RBM27: variants seen among roughly 807,000 people sequenced by gnomAD.
RBM27 encodes RNA binding motif protein 27.
In RBM27, 22 loss-of-function variants were observed where a neutral mutation model predicts 135.3. The observed-to-expected ratio is 0.16, with a 90% CI of 0.12 to 0.23. The LOEUF (loss-of-function observed/expected upper bound fraction) is 0.23. Among genes scored for constraint, RBM27 ranks in the 10% least tolerant of loss-of-function variants. The pLI is 1.00. For synonymous variants in RBM27, 481 were observed against 442.4 expected, an observed-to-expected ratio of 1.09 and a Z score of -1.10; for missense variants, 1,009 against 1,281.0, an observed-to-expected ratio of 0.79 and a Z score of 3.24.
chr5:146,205,602 A>G (rs1422587278), intron 1 of RBM27, among the ~76,000 whole-genome samples: 4 of 152,248 alleles, frequency 2.6e-5, no homozygotes, highest in East Asian at 3.9e-4. Context: ...TTTAACTCCT[A>G]CAATAAAGTT....
intron 8 of RBM27, among the ~76,000 whole-genome samples, chr5:146,238,692 T>A (rs1217270025): frequency 6.6e-6 from 1 of 151,986 alleles, no homozygotes; most frequent in Admixed American, 6.6e-5. Flanking sequence ...CTGGTAACTT[T>A]ATGGATATGT....
At chr5:146,206,716 G>T (rs1755692375) in intron 1 of RBM27, among the ~76,000 whole-genome samples, 1 of 152,040 alleles carries the variant, frequency 6.6e-6, no homozygotes, top group African/African-American at 2.4e-5. Context: ...GAGTAGCTGG[G>T]ATTACAGGCA....
At chr5:146,261,362 TA>T in intron 12 of RBM27, 147 bp from the exon 13 acceptor site, 1 of 708,352 alleles carries the variant, frequency 1.4e-6, no homozygotes. Context: ...AATTACATCC[TA>T]AAAGCTCTAT....
At chr5:146,266,007 C>G (rs1331339008) in intron 14 of RBM27, among the ~76,000 whole-genome samples, 1 of 152,148 alleles carries the variant, frequency 6.6e-6, no homozygotes, top group Non-Finnish European at 1.5e-5. Context: ...AAATAATGAC[C>G]AGCCCAGTCA....
At chr5:146,229,664 T>G in intron 4 of RBM27, 53 bp from the exon 5 acceptor site, 2 of 1,441,210 alleles carry the variant, frequency 1.4e-6, no homozygotes, top group Non-Finnish European at 1.9e-6. Flanking sequence ...TAGATTTGTT[T>G]GCAGACTTGG....
intron 1 of RBM27, among the ~76,000 whole-genome samples, chr5:146,211,724 G>T (rs1042462071): frequency 6.6e-6 from 1 of 151,526 alleles, no homozygotes; most frequent in Non-Finnish European, 1.5e-5. Flanking sequence ...CAGGTAATCC[G>T]CCCCTGGGAT....
intron 18 of RBM27, 89 bp downstream of exon 18, chr5:146,271,147 T>C: frequency 1.1e-6 from 1 of 928,060 alleles, no homozygotes; most frequent in Non-Finnish European, 1.7e-6. Flanking sequence ...ACGCCTGTAA[T>C]CTCAGCACTT....
chr5:146,217,464 G>GT (rs545963169), intron 1 of RBM27, among the ~76,000 whole-genome samples: 3,495 of 70,764 alleles, frequency 0.049, 967 homozygotes, highest in East Asian at 0.059. Flanking sequence ...GCTGAAGCCT[G>GT]TTTTTTTTTT....
At chr5:146,273,290 A>G (rs73303451) in intron 19 of RBM27, among the ~76,000 whole-genome samples, 4,353 of 152,298 alleles carry the variant, frequency 0.029, 206 homozygotes, top group African/African-American at 0.099. Flanking sequence ...CCCAGAAGCC[A>G]TGCTCAAATG....
intron 19 of RBM27, among the ~76,000 whole-genome samples, chr5:146,272,042 A>G (rs1216033542): frequency 6.6e-6 from 1 of 152,264 alleles, no homozygotes; most frequent in African/African-American, 2.4e-5. Flanking sequence ...CATTCTGTAT[A>G]TAGTGGCAAC....
Position 146,271,058 on chromosome 5 carries a change from G to A in RBM27, c.2796G>A (p.Glu932=). 1 of 1,609,142 alleles carries A rather than the reference G, an allele frequency of 6.2e-7. No individual in the cohort carries two copies. The highest frequency in any genetic ancestry group is 8.5e-7 in the Non-Finnish European group (1 of 1,175,870). ...LRKKLSQLQV[E]AARLGILPVG... ...AAAAACTCAGTCAGTTACAGGTTGA[G>A]GTGAGATTTAAAAGGAGTTAGCGCC... The change falls in exon 18 of 21, where the codon GAG becomes GAA. Residue 932 remains glutamate (E), a splice_region_variant and synonymous_variant. Transcript: ENST00000265271.
At chr5:146,216,717 G>A (rs1418592578) in intron 1 of RBM27, among the ~76,000 whole-genome samples, 3 of 152,118 alleles carry the variant, frequency 2.0e-5, no homozygotes, top group African/African-American at 7.2e-5. Context: ...GAGGGTAGTG[G>A]TGTGGTCATG....
chr5:146,253,762 T>C (rs1379489208), intron 9 of RBM27, among the ~76,000 whole-genome samples: 1 of 152,080 alleles, frequency 6.6e-6, no homozygotes, highest in East Asian at 1.9e-4. Flanking sequence ...GTGGGAGAGG[T>C]TTAATCTAAG....
Position 146,237,362 on chromosome 5 carries a change from C to A in RBM27, c.1209C>A (p.Pro403=). 6.2e-7 allele frequency: 1 copy of A among 1,614,058 alleles called. No homozygotes were observed. Among genetic ancestry groups the A allele is most frequent in the Non-Finnish European group, 8.5e-7 (1 of 1,179,910 alleles). Residue 403 remains proline, a synonymous_variant, in exon 8 of 21, where the codon CCC becomes CCA. Coordinates refer to ENST00000265271, the MANE Select transcript of RBM27 (RefSeq NM_018989.2). ...SRDQPGTSAV[P]NLASVGTRLP... ...ACCAGCCTGGGACAAGTGCAGTGCCCAATCTTGCATCAGTGGGAACAAGAC... is the reference window on the plus strand; with the variant it reads ...ACCAGCCTGGGACAAGTGCAGTGCCAAATCTTGCATCAGTGGGAACAAGAC...
intron 1 of RBM27, among the ~76,000 whole-genome samples, chr5:146,205,326 T>C (rs1755587143): frequency 6.6e-6 from 1 of 152,186 alleles, no homozygotes; most frequent in South Asian, 2.1e-4. Context: ...TATTCTCTTA[T>C]TGAAGGTTAG....
At chr5:146,245,040 A>G (rs1483313818) in intron 8 of RBM27, among the ~76,000 whole-genome samples, 2 of 152,026 alleles carry the variant, frequency 1.3e-5, no homozygotes, top group African/African-American at 2.4e-5. Context: ...ATGCCCAGCT[A>G]ATGTTGAATT....
At chr5:146,220,224 TC>T (rs1366222623) in intron 2 of RBM27, among the ~76,000 whole-genome samples, 1 of 152,084 alleles carries the variant, frequency 6.6e-6, no homozygotes, top group Non-Finnish European at 1.5e-5. Flanking sequence ...ACGCCTGTAA[TC>T]CCAGCACTTT....
chr5:146,229,915 G>A lies in RBM27; in HGVS notation c.589+5G>A. The A allele has an allele frequency of 1.2e-6, 2 of 1,613,704 alleles. No individual in the cohort carries two copies. The highest frequency in any genetic ancestry group is 1.7e-6 in the Non-Finnish European group (2 of 1,179,752). Reference sequence around the variant, plus strand: ...GGGATCCAAATAGGAATGTTGGTGAGTAGATGAGTGTCCCCCTAAAAACTC... The same window carrying A: ...GGGATCCAAATAGGAATGTTGGTGAATAGATGAGTGTCCCCCTAAAAACTC... On this transcript the variant is annotated splice_donor_5th_base_variant and intron_variant, in intron 5 of 20. Transcript: ENST00000265271.
chr5:146,268,248 T>TC (rs1758705153), intron 15 of RBM27, among the ~76,000 whole-genome samples: 1 of 150,972 alleles, frequency 6.6e-6, no homozygotes, highest in Non-Finnish European at 1.5e-5. Flanking sequence ...CTTATTTCTT[T>TC]TTTTTTTTTT....
Sources: gnomAD v4.1 joint callset for allele counts (sites outside exome capture counted in the v4.1 genomes callset) on GRCh38, gnomAD v4.1.1 for gene constraint, MANE v1.5 for transcripts, NCBI Gene and HGNC (gene_info 2026-07-23, HGNC 2026-07-21) for gene names.